Variants in FAM184A observed in about 807,000 individuals in gnomAD.
FAM184A encodes protein FAM184A.
FAM184A carries 99 observed loss-of-function variants against 143.8 expected under a neutral mutation model. The observed-to-expected ratio is 0.69, with a 90% CI of 0.58 to 0.81. FAM184A has a LOEUF of 0.81. Among genes scored for constraint, FAM184A ranks in the 40% least tolerant of loss-of-function variants. The pLI is 0.00. For synonymous variants in FAM184A, 427 were observed against 446.4 expected (o/e 0.96, Z 0.55); for missense variants, 1,217 against 1,310.5 (o/e 0.93, Z 1.10).
intron 1 of FAM184A, among the ~76,000 whole-genome samples, chr6:119,140,257 C>T (rs1304309911): frequency 6.6e-6 from 1 of 152,108 alleles, no homozygotes; most frequent in Non-Finnish European, 1.5e-5. Flanking sequence ...TAAGGGAGTA[C>T]CAAGAAAGGG....
intron 9 of FAM184A, among the ~76,000 whole-genome samples, chr6:118,983,559 T>G (rs1308815294): frequency 6.6e-6 from 1 of 152,094 alleles, no homozygotes; most frequent in African/African-American, 2.4e-5. Context: ...TTCGTTAAAA[T>G]TTAAAAAATT....
chr6:118,960,698 T>C, intron 17 of FAM184A: 1 of 700,672 alleles, frequency 1.4e-6, no homozygotes, highest in Non-Finnish European at 2.2e-6. Flanking sequence ...ATTGATGTTA[T>C]ATAGTTTATA....
chr6:119,070,907 C>A (rs1218618967), intron 1 of FAM184A, among the ~76,000 whole-genome samples: 1 of 135,280 alleles, frequency 7.4e-6, no homozygotes, highest in Non-Finnish European at 1.7e-5. Context: ...TGAAGATTTT[C>A]TTTAAAAAAA....
intron 1 of FAM184A, among the ~76,000 whole-genome samples, chr6:119,072,706 G>A (rs770775423): frequency 2.0e-5 from 3 of 152,036 alleles, no homozygotes; most frequent in Non-Finnish European, 2.9e-5. Flanking sequence ...ATTCTGAAGT[G>A]TCAAATACTT....
Position 119,045,038 on chromosome 6 carries a change from G to A in FAM184A, c.160-20225C>T, listed in dbSNP as rs17080783. On this transcript the variant is annotated intron_variant, in intron 1 of 17. Transcript: ENST00000338891. The stretch of plus-strand genomic sequence containing the variant: ...TTGGAATGCTGTAAATACAACCTAC[G>A]CTTGCTCTCAAAGCATTTCTTATGG... 1.2e-3 allele frequency among the ~76,000 whole-genome samples: 189 copies of A among 152,292 alleles called. 1 individual carries two copies. The highest frequency in any genetic ancestry group is 0.012 in the East Asian group (64 of 5,178).
At chr6:119,023,302 A>T (rs1785512099) in intron 2 of FAM184A, among the ~76,000 whole-genome samples, 1 of 152,176 alleles carries the variant, frequency 6.6e-6, no homozygotes, top group Non-Finnish European at 1.5e-5. Context: ...CTAATGTTGC[A>T]CAGATATTAA....
At chr6:118,980,071 T>C (rs2114581275) in intron 10 of FAM184A, 67 bp downstream of exon 10, 2 of 1,433,236 alleles carry the variant, frequency 1.4e-6, no homozygotes, top group East Asian at 4.7e-5. Context: ...AAAAATTTTT[T>C]TAATTTGAAG....
chr6:118,977,831 C>G (rs1783892482), intron 11 of FAM184A, among the ~76,000 whole-genome samples: 1 of 152,118 alleles, frequency 6.6e-6, no homozygotes, highest in Non-Finnish European at 1.5e-5. Context: ...CAAGATGTTA[C>G]CACTGGAGGA....
chr6:119,072,041 T>C (rs1582586450), intron 1 of FAM184A, among the ~76,000 whole-genome samples: 1 of 152,104 alleles, frequency 6.6e-6, no homozygotes, highest in East Asian at 1.9e-4. Context: ...TTTGTATTTT[T>C]TGTAAAGACG....
chr6:119,047,069 G>C (rs983504074), intron 1 of FAM184A, among the ~76,000 whole-genome samples: 2 of 151,878 alleles, frequency 1.3e-5, no homozygotes, highest in African/African-American at 2.4e-5. Flanking sequence ...ATGGGCATAA[G>C]ATTTAAATAG....
At chr6:119,039,076 G>T (rs1163515723) in intron 1 of FAM184A, among the ~76,000 whole-genome samples, 1 of 152,126 alleles carries the variant, frequency 6.6e-6, no homozygotes, top group African/African-American at 2.4e-5. Context: ...CATCAATAAT[G>T]ATTTGCATAT....
intron 1 of FAM184A, among the ~76,000 whole-genome samples, chr6:119,117,943 C>T (rs904936961): frequency 6.6e-6 from 1 of 152,162 alleles, no homozygotes; most frequent in Non-Finnish European, 1.5e-5. Context: ...GAGAAGCAGT[C>T]AGGGACCAGA....
rs539295764 is a variant in FAM184A at position 119,078,496 on chromosome 6, C to T, written c.-197G>A. On this transcript the variant is annotated 5_prime_UTR_variant, in exon 1 of 18. Coordinates refer to ENST00000338891, the MANE Select transcript of FAM184A (RefSeq NM_024581.6). This position sits in a 1 kb window ranked among gnomAD's most constrained non-coding sequence, Gnocchi z 5.5. Reference sequence around the variant, plus strand: ...GAAGGGACGGGGCGGTCCCGCCGGCCCGAAGCCGCGGGGACAACGGCGCGG... The same window carrying T: ...GAAGGGACGGGGCGGTCCCGCCGGCTCGAAGCCGCGGGGACAACGGCGCGG... The T allele has an allele frequency of 5.4e-3, 2,356 of 432,494 alleles. 55 individuals carry two copies. Among genetic ancestry groups the T allele is most frequent in the African/African-American group, 0.044 (2,152 of 48,668 alleles). The allele number at this position is 432,494 out of a possible 1,614,324, so 26.8% of individuals were successfully genotyped here.
At chr6:119,098,922 C>T (rs1298510444) in intron 1 of FAM184A, among the ~76,000 whole-genome samples, 1 of 152,090 alleles carries the variant, frequency 6.6e-6, no homozygotes, top group Non-Finnish European at 1.5e-5. Context: ...CCGGCCTGAC[C>T]AATATGATGA....
chr6:119,138,680 G>A (rs1165216486), intron 1 of FAM184A, among the ~76,000 whole-genome samples: 1 of 152,062 alleles, frequency 6.6e-6, no homozygotes, highest in East Asian at 1.9e-4. Context: ...AGGCTGGGGT[G>A]CAATGGGGCG....
chr6:119,102,240 G>A (rs1387452440), intron 1 of FAM184A, among the ~76,000 whole-genome samples: 1 of 152,078 alleles, frequency 6.6e-6, no homozygotes, highest in African/African-American at 2.4e-5. Flanking sequence ...AAAGAGTGAA[G>A]CTGATTATAA....
intron 1 of FAM184A, among the ~76,000 whole-genome samples, chr6:119,115,142 G>A (rs766904826): frequency 2.6e-5 from 4 of 152,064 alleles, no homozygotes; most frequent in Non-Finnish European, 5.9e-5. Flanking sequence ...TATTTCTGAT[G>A]GTCTTCATTT....
At position 118,964,791 on chromosome 6, in the gene FAM184A, A is replaced by T. The variant is rs369860223; in HGVS notation, c.3034-20T>A. 21 of 1,269,436 alleles carry T rather than the reference A, an allele frequency of 1.7e-5. No individual in the cohort carries two copies. In the African/African-American group the frequency reaches 2.4e-4, roughly 14 times the overall value. 78.6% of individuals were successfully genotyped at this position (1,269,436 alleles called of 1,614,324 possible). ...ATCCTCCTATGCAAAAGAATTATAA[A>T]CATCTTTTAAATATTTTCTATGGAA... On this transcript the variant is annotated intron_variant, in intron 15 of 17. Coordinates refer to ENST00000338891, the MANE Select transcript of FAM184A (RefSeq NM_024581.6).
chr6:119,001,938 CTTTT>C (rs996900885), intron 9 of FAM184A, among the ~76,000 whole-genome samples: 4 of 151,810 alleles, frequency 2.6e-5, no homozygotes, highest in African/African-American at 9.7e-5. Flanking sequence ...TTCCCTTGTT[CTTTT>C]TTTTGTCTGA....
Sources: gnomAD v4.1 joint callset for allele counts (sites outside exome capture counted in the v4.1 genomes callset) on GRCh38, gnomAD v4.1.1 for gene constraint, Gnocchi (gnomAD v3.1) non-coding constraint, MANE v1.5 for transcripts, NCBI Gene and HGNC (gene_info 2026-07-23, HGNC 2026-07-21) for gene names.